The following IQGAP1 variants were observed in gnomAD, a reference collection of about 807,000 sequenced individuals.
The protein encoded by IQGAP1 is IQ motif containing GTPase activating protein 1.
In IQGAP1, 66 loss-of-function variants were observed where a neutral mutation model predicts 215.6. That is an observed-to-expected ratio of 0.31 (90% CI 0.25 to 0.38). IQGAP1 has a LOEUF of 0.38. Ranked by LOEUF, IQGAP1 falls within the 10% of genes least tolerant of loss-of-function variation. The probability of loss-of-function intolerance (pLI) is 1.00; values close to 1 mark genes in which losing one functional copy is unlikely to be tolerated. For synonymous variants in IQGAP1, 772 were observed against 728.7 expected (o/e 1.06, Z -0.96); for missense variants, 1,712 against 1,997.1 (o/e 0.86, Z 2.72).
intron 9 of IQGAP1, among the ~76,000 whole-genome samples, chr15:90,443,693 C>T (rs1965484381): frequency 6.6e-6 from 1 of 152,160 alleles, no homozygotes; most frequent in South Asian, 2.1e-4. Flanking sequence ...CTGACAGTAG[C>T]ATCATAGTAG....
At chr15:90,433,686 A>ATATCTTACTCTGTTTCTTTTAT in intron 4 of IQGAP1, 33 bp from the exon 5 acceptor site, 1 of 1,243,372 alleles carries the variant, frequency 8.0e-7, no homozygotes, top group South Asian at 1.3e-5. Flanking sequence ...CAGTGAATGG[A>ATATCTTACTCTGTTTCTTTTAT]TATCTTACTC....
chr15:90,434,256 G>C (rs1343187908), intron 5 of IQGAP1, among the ~76,000 whole-genome samples: 1 of 152,050 alleles, frequency 6.6e-6, no homozygotes, highest in Non-Finnish European at 1.5e-5. Context: ...GGCCAACATA[G>C]TGAAACCCTG....
At chr15:90,457,355 A>T (rs1241303550) in intron 15 of IQGAP1, among the ~76,000 whole-genome samples, 1 of 151,124 alleles carries the variant, frequency 6.6e-6, no homozygotes, top group African/African-American at 2.4e-5. Context: ...GTACTATTTC[A>T]TTGTGTGGTT....
At chr15:90,404,230 T>C (rs1266452190) in intron 2 of IQGAP1, among the ~76,000 whole-genome samples, 4 of 152,224 alleles carry the variant, frequency 2.6e-5, no homozygotes, top group Admixed American at 2.0e-4. Context: ...GCCAATTTGC[T>C]CTCGTAAGAG....
intron 32 of IQGAP1, among the ~76,000 whole-genome samples, 166 bp downstream of exon 32, chr15:90,487,255 T>C (rs936319654): frequency 4.6e-5 from 7 of 152,240 alleles, no homozygotes; most frequent in Non-Finnish European, 2.9e-5. Flanking sequence ...ACAGGACTTA[T>C]CTGCCTTATT....
Position 90,476,726 on chromosome 15 carries a change from A to T in IQGAP1, c.2848A>T (p.Met950Leu), listed in dbSNP as rs1965985936. 1 of 1,606,728 alleles carries T rather than the reference A, an allele frequency of 6.2e-7. No homozygotes were observed. The highest frequency in any genetic ancestry group is 8.5e-7 in the Non-Finnish European group (1 of 1,178,100). The change falls in exon 24 of 38, where the codon ATG becomes TTG. Residue 950 changes from methionine to leucine, a missense_variant. Physicochemically the swap from Met to Leu is conservative, Grantham distance 15. Transcript: ENST00000268182. ...KNKEQLSDMM[M>L]INKQKGGLKA... is the part of the protein sequence containing the mutation. The stretch of plus-strand genomic sequence containing the variant: ...TAAGGAACAGTTGTCTGATATGATG[A>T]TGATAAATAAACAGAAGGGAGGTCT...
At chr15:90,395,474 C>T (rs1158398104) in intron 2 of IQGAP1, among the ~76,000 whole-genome samples, 1 of 152,142 alleles carries the variant, frequency 6.6e-6, no homozygotes, top group East Asian at 1.9e-4. Flanking sequence ...GCGCCCACCA[C>T]CACGCCTGGC....
At chr15:90,430,417 A>G (rs925865295) in intron 4 of IQGAP1, among the ~76,000 whole-genome samples, 4 of 152,206 alleles carry the variant, frequency 2.6e-5, no homozygotes, top group African/African-American at 9.6e-5. Flanking sequence ...AAAAAAATGT[A>G]TACAGAAGGA....
At chr15:90,484,436 G>T (rs928276773) in intron 30 of IQGAP1, 84 bp downstream of exon 30, 1 of 1,089,428 alleles carries the variant, frequency 9.2e-7, no homozygotes, top group Admixed American at 2.2e-5. Context: ...GTAGCCAGGT[G>T]TCTAACCTTC....
At chr15:90,396,856 T>A (rs190498891) in intron 2 of IQGAP1, among the ~76,000 whole-genome samples, 4,188 of 141,526 alleles carry the variant, frequency 0.03, 101 homozygotes, top group East Asian at 0.12. Context: ...GCAAAAAAAA[T>A]TTTTTTTTTT....
intron 2 of IQGAP1, chr15:90,391,249 A>G (rs1964632560): frequency 6.1e-6 from 1 of 165,062 alleles, no homozygotes; most frequent in Admixed American, 6.1e-5. Flanking sequence ...GGGGGAAAAA[A>G]AAGAAAAGAT....
In IQGAP1 at chr15:90,494,842, C is replaced by G. The variant is rs1419443683; in HGVS notation, c.4751+7C>G. ...AGGACCTGCAAGTGAATCAGTGAGT[C>G]TTTGCTTTTTGTTTTATAAGTTGAT... On this transcript the variant is annotated splice_region_variant and intron_variant, in intron 36 of 37. Transcript: ENST00000268182. 2 of 1,588,908 alleles carry G rather than the reference C, an allele frequency of 1.3e-6. No individual in the cohort carries two copies. The highest frequency in any genetic ancestry group is 8.6e-7 in the Non-Finnish European group (1 of 1,168,938).
intron 2 of IQGAP1, among the ~76,000 whole-genome samples, chr15:90,396,448 CTT>C (rs1797740001): frequency 6.6e-6 from 1 of 152,140 alleles, no homozygotes; most frequent in African/African-American, 2.4e-5. Context: ...CCCAAGCTCT[CTT>C]TGTACAGATG....
chr15:90,475,246 GC>G (rs1474710467), intron 23 of IQGAP1, among the ~76,000 whole-genome samples: 2 of 151,960 alleles, frequency 1.3e-5, no homozygotes, highest in African/African-American at 4.8e-5. Flanking sequence ...TGATCCACCC[GC>G]CTCAGCCTCC....
At position 90,397,808 on chromosome 15, in the gene IQGAP1, G is replaced by T. The variant is rs12442739; in HGVS notation, c.155+6935G>T. ...TGGGATTACAGGCGTGAGCCACCAC[G>T]CCCGGCCTGAACTCAATAAACTTTT... On this transcript the variant is annotated intron_variant, in intron 2 of 37. Coordinates refer to ENST00000268182, the MANE Select transcript of IQGAP1 (RefSeq NM_003870.4). 1,288 of 151,442 alleles carry T rather than the reference G, an allele frequency of 8.5e-3. 38 individuals carry two copies. The East Asian group carries it at 0.11, about 13-fold the overall frequency. The allele number at this position is 151,442 out of a possible 1,614,324, so 9.4% of individuals were successfully genotyped here.
chr15:90,429,456 G>GAGCAT (rs1965272243), intron 3 of IQGAP1, 133 bp from the exon 4 acceptor site: 1 of 601,380 alleles, frequency 1.7e-6, no homozygotes, highest in South Asian at 2.4e-5. Flanking sequence ...TTTGGTATTG[G>GAGCAT]AATGTGAGCA....
intron 36 of IQGAP1, among the ~76,000 whole-genome samples, chr15:90,495,925 G>GTTATTATTA (rs541106755): frequency 6.8e-6 from 1 of 148,090 alleles, no homozygotes; most frequent in African/African-American, 2.5e-5. Context: ...TTATTATTAT[G>GTTATTATTA]TTATTATTAT....
At chr15:90,491,985 A>G (rs932313581) in intron 34 of IQGAP1, among the ~76,000 whole-genome samples, 3 of 152,228 alleles carry the variant, frequency 2.0e-5, no homozygotes, top group Non-Finnish European at 4.4e-5. Context: ...TTGATGTATT[A>G]TAGTTCTCTT....
At position 90,484,200 on chromosome 15, in the gene IQGAP1, G is replaced by A. The variant is rs375251123; in HGVS notation, c.3789-20G>A. 6.2e-7 allele frequency: 1 copy of A among 1,607,208 alleles called. No individual in the cohort carries two copies. Among genetic ancestry groups the A allele is most frequent in the East Asian group, 2.2e-5 (1 of 44,738 alleles). On this transcript the variant is annotated intron_variant, in intron 29 of 37. Coordinates refer to ENST00000268182, the MANE Select transcript of IQGAP1 (RefSeq NM_003870.4). ...TGTGTATGTCCCTTTTTGGGGGGCT[G>A]CCTCCTGTGCTTATTTCAGACGGTT...
Sources: allele counts gnomAD v4.1 joint callset (sites outside exome capture counted in the v4.1 genomes callset), GRCh38; gene constraint gnomAD v4.1.1; transcripts MANE v1.5; gene names NCBI Gene and HGNC (gene_info 2026-07-23, HGNC 2026-07-21).